DPP6: variants seen among roughly 807,000 people sequenced by gnomAD.
DPP6 encodes the protein dipeptidyl peptidase like 6.
Under a neutral mutation model 122.6 loss-of-function variants are expected in DPP6, and 69 were observed. The observed-to-expected ratio is 0.56, with a 90% confidence interval of 0.46 to 0.69. The LOEUF (loss-of-function observed/expected upper bound fraction) is 0.69. DPP6 is among the 30% of genes least tolerant of loss of function. The pLI is 0.00. For synonymous variants in DPP6, 418 were observed against 433.1 expected, an observed-to-expected ratio of 0.97 and a Z score of 0.43; for missense variants, 928 against 1,116.9, an observed-to-expected ratio of 0.83 and a Z score of 2.41.
intron 10 of DPP6, among the ~76,000 whole-genome samples, chr7:154,790,809 AGGAGGGAG>A (rs372646872): frequency 1.8e-5 from 2 of 109,536 alleles, no homozygotes; most frequent in African/African-American, 7.1e-5. Context: ...AAGGGAGGAA[AGGAGGGAG>A]GGAGGGAGGG....
intron 12 of DPP6, among the ~76,000 whole-genome samples, chr7:154,801,127 C>T (rs1247215566): frequency 2.0e-5 from 3 of 151,934 alleles, no homozygotes; most frequent in Middle Eastern, 3.2e-3. Flanking sequence ...TTGCCACTGC[C>T]GGGGCTGTAG....
intron 3 of DPP6, among the ~76,000 whole-genome samples, chr7:154,501,148 G>T (rs1340203368): frequency 6.6e-6 from 1 of 152,106 alleles, no homozygotes; most frequent in Non-Finnish European, 1.5e-5. Context: ...TTTCTAAGTA[G>T]CAAGGCATTC....
chr7:154,433,136 GTTTTTTTTTTT>G (rs548053204), intron 1 of DPP6, among the ~76,000 whole-genome samples: 1 of 72,336 alleles, frequency 1.4e-5, no homozygotes, highest in African/African-American at 5.9e-5. Flanking sequence ...TAGACTGCAA[GTTTTTTTTTTT>G]TTTTTTTTTT....
chr7:154,781,685 A>G (rs1429383709), intron 10 of DPP6, among the ~76,000 whole-genome samples: 2 of 152,166 alleles, frequency 1.3e-5, no homozygotes, highest in Non-Finnish European at 2.9e-5. Flanking sequence ...ATTAAAGCAC[A>G]TCATCTTTTA....
chr7:154,072,679 G>C (rs1379713359), intron 1 of DPP6, among the ~76,000 whole-genome samples: 1 of 152,296 alleles, frequency 6.6e-6, no homozygotes, highest in African/African-American at 2.4e-5. Flanking sequence ...GCACACCAAG[G>C]GTTATTAGGC....
At chr7:154,361,423 A>G (rs1811712763) in intron 1 of DPP6, among the ~76,000 whole-genome samples, 1 of 152,190 alleles carries the variant, frequency 6.6e-6, no homozygotes, top group Non-Finnish European at 1.5e-5. Context: ...ACTGGTGATG[A>G]CATCAGGAAA....
At chr7:154,409,785 G>C (rs1586188811) in intron 1 of DPP6, among the ~76,000 whole-genome samples, 1 of 152,200 alleles carries the variant, frequency 6.6e-6, no homozygotes, top group East Asian at 1.9e-4. Flanking sequence ...TATGGTACCA[G>C]GTTTTGATCC....
chr7:154,526,058 A>G lies in DPP6; in HGVS notation c.458-14474A>G, dbSNP rs923155947. Among the ~76,000 whole-genome samples, 6 of 152,340 alleles carry G rather than the reference A, an allele frequency of 3.9e-5. No individual in the cohort carries two copies. In the East Asian group the frequency reaches 7.7e-4, roughly 20 times the overall value. ...AGGCTTTGGCATTTCCATGGCATTC[A>G]AACTCCTACTTTTTAATCCATTGAT... On this transcript the variant is annotated intron_variant, in intron 3 of 25. Transcript: ENST00000377770.
At chr7:153,995,803 C>T (rs1302628937) in intron 1 of DPP6, among the ~76,000 whole-genome samples, 1 of 152,160 alleles carries the variant, frequency 6.6e-6, no homozygotes, top group Non-Finnish European at 1.5e-5. Flanking sequence ...ACGGCATTCA[C>T]TCTTACCTAA....
intron 5 of DPP6, among the ~76,000 whole-genome samples, chr7:154,628,778 A>C (rs1361450408): frequency 6.6e-6 from 1 of 152,180 alleles, no homozygotes; most frequent in East Asian, 1.9e-4. Context: ...TCCTGGAAGC[A>C]CAGCAGCTGC....
chr7:154,299,264 G>C (rs1002262619), intron 1 of DPP6, among the ~76,000 whole-genome samples: 20 of 152,212 alleles, frequency 1.3e-4, no homozygotes, highest in Non-Finnish European at 2.5e-4. Context: ...CGCAGACCCA[G>C]CAGCTTCCAG....
chr7:154,760,904 G>A lies in DPP6; in HGVS notation c.884-8513G>A, dbSNP rs59785259. ...GGCTTGAGTGCAATGGTGCAATCTC[G>A]ACTCACTGCAACCTCCGCTTCCCTG... On this transcript the variant is annotated intron_variant, in intron 8 of 25. Coordinates refer to ENST00000377770, the MANE Select transcript of DPP6 (RefSeq NM_130797.4). This position sits in a 1 kb window ranked among gnomAD's most constrained non-coding sequence, Gnocchi z 4.5. Among the ~76,000 whole-genome samples, 1,260 of 149,310 alleles carry A rather than the reference G, an allele frequency of 8.4e-3. 14 individuals are homozygous for A. Among genetic ancestry groups the A allele is most frequent in the African/African-American group, 0.028 (1,124 of 40,234 alleles).
At chr7:154,455,466 G>C (rs1200428751) in intron 2 of DPP6, among the ~76,000 whole-genome samples, 1 of 152,198 alleles carries the variant, frequency 6.6e-6, no homozygotes, top group Non-Finnish European at 1.5e-5. Context: ...CAGTGAATTT[G>C]AGTCATTCTT....
At chr7:154,646,027 CAAA>C (rs71184020) in intron 6 of DPP6, among the ~76,000 whole-genome samples, 2 of 57,930 alleles carry the variant, frequency 3.5e-5, no homozygotes, top group African/African-American at 7.1e-5. Context: ...GACTCCGTCT[CAAA>C]AAAAAAAAAA....
At chr7:153,972,753 C>A (rs1343194767) in intron 1 of DPP6, among the ~76,000 whole-genome samples, 4 of 68,966 alleles carry the variant, frequency 5.8e-5, no homozygotes, top group African/African-American at 1.3e-4. Flanking sequence ...TAGTAAATTG[C>A]AACTTTTTTT....
intron 1 of DPP6, among the ~76,000 whole-genome samples, chr7:154,186,398 C>A (rs1161409317): frequency 1.3e-5 from 2 of 152,200 alleles, no homozygotes; most frequent in African/African-American, 4.8e-5. Flanking sequence ...ACAGATGAAA[C>A]CTTATTTTAG....
intron 1 of DPP6, among the ~76,000 whole-genome samples, chr7:154,014,307 A>G (rs914897634): frequency 3.5e-5 from 5 of 143,044 alleles, no homozygotes; most frequent in African/African-American, 1.3e-4. Flanking sequence ...TTATACTAGC[A>G]TAAGGCCAAC....
intron 1 of DPP6, among the ~76,000 whole-genome samples, chr7:154,061,170 A>C (rs1254669050): frequency 1.3e-5 from 2 of 148,632 alleles, no homozygotes; most frequent in Admixed American, 1.3e-4. Context: ...GGGGTTTTGT[A>C]GACTGTGGAT....
At chr7:153,974,169 A>C (rs189417752) in intron 1 of DPP6, among the ~76,000 whole-genome samples, 2 of 152,256 alleles carry the variant, frequency 1.3e-5, no homozygotes, top group East Asian at 3.9e-4. Context: ...TGTTGGGCCT[A>C]TTTAAGGCAC....
Sources: allele counts gnomAD v4.1 joint callset (sites outside exome capture counted in the v4.1 genomes callset), GRCh38; gene constraint gnomAD v4.1.1; non-coding constraint Gnocchi (gnomAD v3.1); transcripts MANE v1.5; gene names NCBI Gene and HGNC (gene_info 2026-07-23, HGNC 2026-07-21).